The following NCAPG2 variants were observed in gnomAD, a reference collection of about 807,000 sequenced individuals.
The protein encoded by NCAPG2 is non-SMC condensin II complex subunit G2, also known as condensin-2 complex subunit G2.
In NCAPG2, 53 loss-of-function variants were observed where a neutral mutation model predicts 141.1. That is an observed-to-expected ratio of 0.38 (90% CI 0.30 to 0.47). The LOEUF is 0.47. Among genes scored for constraint, NCAPG2 ranks in the 20% least tolerant of loss-of-function variants. The pLI, the probability that NCAPG2 is intolerant of heterozygous loss-of-function variation, is 0.99. For missense variants in NCAPG2, 1,087 were observed against 1,389.0 expected, an observed-to-expected ratio of 0.78 and a Z score of 3.46; for synonymous variants, 499 against 490.7, an observed-to-expected ratio of 1.02 and a Z score of -0.22.
chr7:158,690,462 T>G, intron 5 of NCAPG2, 106 bp downstream of exon 5: 1 of 1,125,012 alleles, frequency 8.9e-7, no homozygotes. Context: ...GGAGGATTGC[T>G]CGAGCCCAGG....
chr7:158,647,739 G>C (rs1399693085), intron 24 of NCAPG2, among the ~76,000 whole-genome samples: 1 of 151,958 alleles, frequency 6.6e-6, no homozygotes, highest in Non-Finnish European at 1.5e-5. Context: ...TGTTGCCTAG[G>C]CTGGAGTGCA....
intron 13 of NCAPG2, among the ~76,000 whole-genome samples, chr7:158,671,186 G>A (rs1222135756): frequency 7.4e-6 from 1 of 135,826 alleles, no homozygotes; most frequent in Non-Finnish European, 1.6e-5. Context: ...GGGGTGGGGG[G>A]TGGCTCATAC....
At chr7:158,682,996 T>G (rs1343704954) in intron 9 of NCAPG2, among the ~76,000 whole-genome samples, 1 of 152,136 alleles carries the variant, frequency 6.6e-6, no homozygotes, top group African/African-American at 2.4e-5. Flanking sequence ...TCAAATACCC[T>G]CTAGGATCTT....
chr7:158,664,935 AT>A, intron 13 of NCAPG2, 185 bp from the exon 14 acceptor site: 1 of 578,826 alleles, frequency 1.7e-6, no homozygotes, highest in Non-Finnish European at 3.0e-6. Flanking sequence ...ATAAATCTAT[AT>A]TTTTAAAAGT....
At chr7:158,645,913 T>C (rs1258997066) in intron 25 of NCAPG2, among the ~76,000 whole-genome samples, 3 of 152,216 alleles carry the variant, frequency 2.0e-5, no homozygotes, top group Non-Finnish European at 2.9e-5. Flanking sequence ...AGATGACTCA[T>C]AGCTGCTAAA....
chr7:158,664,303 T>C lies in NCAPG2; in HGVS notation c.1703-7A>G. 6.2e-7 allele frequency: 1 copy of C among 1,601,808 alleles called. No individual in the cohort carries two copies. The highest frequency in any genetic ancestry group is 8.6e-7 in the Non-Finnish European group (1 of 1,168,766). On this transcript the variant is annotated splice_polypyrimidine_tract_variant and splice_region_variant and intron_variant, in intron 14 of 27. Transcript: ENST00000356309. ...ATAACGTGAATCAGCTTTGCTGAAA[T>C]GTTTAGGATAAACAAGAATTAATGG...
At chr7:158,664,800 C>A in intron 13 of NCAPG2, 50 bp from the exon 14 acceptor site, 1 of 1,475,098 alleles carries the variant, frequency 6.8e-7, no homozygotes, top group East Asian at 2.3e-5. Context: ...GTGCCTGTAA[C>A]CCTGGAAACA....
intron 27 of NCAPG2, among the ~76,000 whole-genome samples, chr7:158,643,324 G>T (rs1053463931): frequency 6.6e-6 from 1 of 151,078 alleles, no homozygotes; most frequent in Non-Finnish European, 1.5e-5. Flanking sequence ...CCTGAGATCC[G>T]CCTGCCTTGG....
At chr7:158,670,140 A>C (rs1188478636) in intron 13 of NCAPG2, among the ~76,000 whole-genome samples, 2 of 152,182 alleles carry the variant, frequency 1.3e-5, no homozygotes, top group Middle Eastern at 3.4e-3. Flanking sequence ...AAAGTAACTC[A>C]ATTGCATATG....
At chr7:158,703,237 AG>A (rs1835917611) in intron 1 of NCAPG2, among the ~76,000 whole-genome samples, 1 of 152,212 alleles carries the variant, frequency 6.6e-6, no homozygotes, top group Non-Finnish European at 1.5e-5. Flanking sequence ...TGGGGAGGGA[AG>A]GGAGAGTGGC....
intron 27 of NCAPG2, chr7:158,641,455 C>A: frequency 3.2e-6 from 2 of 618,912 alleles, no homozygotes; most frequent in Non-Finnish European, 5.7e-6. Context: ...GTGGTGTGTG[C>A]CTGCAGTCCT....
At chr7:158,640,574 A>C (rs1366289023) in intron 27 of NCAPG2, 1 of 152,198 alleles carries the variant, frequency 6.6e-6, no homozygotes, top group African/African-American at 2.4e-5. Flanking sequence ...CAGAGAGAAA[A>C]AAATTCATCA....
At chr7:158,672,324 ATATATTTTTTTTTT>A (rs1833779557) in intron 12 of NCAPG2, among the ~76,000 whole-genome samples, 1 of 45,098 alleles carries the variant, frequency 2.2e-5, no homozygotes, top group African/African-American at 8.2e-5. Context: ...ATATATATAT[ATATATTTTTTTTTT>A]TTTTTTTTTT....
intron 22 of NCAPG2, among the ~76,000 whole-genome samples, chr7:158,653,930 A>C (rs1452965729): frequency 6.6e-6 from 1 of 152,062 alleles, no homozygotes; most frequent in East Asian, 1.9e-4. Context: ...GCTGGCCGTT[A>C]GGGGTTAGGG....
rs58795032 is a variant in NCAPG2, at chr7:158,701,748, G to A, written c.78+74C>T. On this transcript the variant is annotated intron_variant, in intron 2 of 27. Coordinates refer to ENST00000356309, the MANE Select transcript of NCAPG2 (RefSeq NM_017760.7). ...CACTGAGATAACTATGTTTCTTTTG[G>A]GGACATAATGACTTTAGAACATATT... is the stretch of plus-strand genomic sequence containing the variant. 4,884 of 1,290,658 alleles carry A rather than the reference G, an allele frequency of 3.8e-3. 229 individuals are homozygous for A. The East Asian group carries it at 0.094, about 25-fold the overall frequency. 80.0% of individuals were successfully genotyped at this position (1,290,658 alleles called of 1,614,324 possible). A position where few individuals can be genotyped will look rare whatever the true frequency, so the allele number is the denominator to read the frequency against.
At chr7:158,658,296 G>A in intron 17 of NCAPG2, 42 bp downstream of exon 17, 7 of 1,542,964 alleles carry the variant, frequency 4.5e-6, no homozygotes, top group East Asian at 2.3e-5. Flanking sequence ...ACAATGGACA[G>A]GATTCCTACT....
rs138573150 is a variant in NCAPG2, at chr7:158,635,993, T to C, written c.3381-4276A>G. On this transcript the variant is annotated intron_variant, in intron 27 of 27. Coordinates refer to ENST00000356309, the MANE Select transcript of NCAPG2 (RefSeq NM_017760.7). Reference sequence around the variant, plus strand: ...CAGATTGATTTTTTTAGACACTGGTTTTTCTATAGTTTGCTTCTTGCATAT... The same window carrying C: ...CAGATTGATTTTTTTAGACACTGGTCTTTCTATAGTTTGCTTCTTGCATAT... Among the ~76,000 whole-genome samples, 34 of 152,332 alleles carry C rather than the reference T, an allele frequency of 2.2e-4. 1 individual carries two copies. In the East Asian group the frequency reaches 6.5e-3, roughly 29 times the overall value.
Position 158,646,447 on chromosome 7 carries a change from AG to A in NCAPG2, c.3179+12del. 1 of 1,577,874 alleles carries A rather than the reference AG, an allele frequency of 6.3e-7. No homozygotes were observed. The highest frequency in any genetic ancestry group is 8.7e-7 in the Non-Finnish European group (1 of 1,153,958). On this transcript the variant is annotated intron_variant, in intron 25 of 27. Coordinates refer to ENST00000356309, the MANE Select transcript of NCAPG2 (RefSeq NM_017760.7). ...CGATGAGCATTTCAGGACAGTAAAG[AG>A]AAAGTGATTACCTGACCACATTCGA...
chr7:158,680,505 CTG>C (rs1015334102), intron 10 of NCAPG2, among the ~76,000 whole-genome samples: 1 of 152,212 alleles, frequency 6.6e-6, no homozygotes, highest in Non-Finnish European at 1.5e-5. Flanking sequence ...TTAAAAATAA[CTG>C]TGTAGTTAGC....
Sources: gnomAD v4.1 joint callset for allele counts (sites outside exome capture counted in the v4.1 genomes callset) on GRCh38, gnomAD v4.1.1 for gene constraint, MANE v1.5 for transcripts, NCBI Gene and HGNC (gene_info 2026-07-23, HGNC 2026-07-21) for gene names.